KREMEN1: variants seen among roughly 807,000 people sequenced by gnomAD.
KREMEN1 encodes kremen protein 1.
KREMEN1 carries 30 observed loss-of-function variants against 46.5 expected under a neutral mutation model. That is an observed-to-expected ratio of 0.65 (90% confidence interval 0.48 to 0.88). KREMEN1 has a LOEUF of 0.88. Among genes scored for constraint, KREMEN1 ranks in the 40% least tolerant of loss-of-function variants. The pLI, the probability that KREMEN1 is intolerant of heterozygous loss-of-function variation, is 0.00. For synonymous variants in KREMEN1, 214 were observed against 230.6 expected (o/e 0.93, Z 0.65); for missense variants, 533 against 596.9 (o/e 0.89, Z 1.11).
chr22:29,144,880 G>A lies in KREMEN1; in HGVS notation c.*2768G>A, dbSNP rs926375600. 4.1e-6 allele frequency: 4 copies of A among 985,512 alleles called. No individual in the cohort carries two copies. Among genetic ancestry groups the A allele is most frequent in the East Asian group, 2.3e-4 (2 of 8,806 alleles). 61.0% of individuals were successfully genotyped at this position (985,512 alleles called of 1,614,324 possible). ...CCTGCAGCGGGGGCAGCACTTCCTC[G>A]GAGGGCCTGGGAGGTGCTGGGGATG... On this transcript the variant is annotated 3_prime_UTR_variant, in exon 9 of 9. Transcript: ENST00000400335.
At chr22:29,098,578 T>C (rs2037920313) in intron 2 of KREMEN1, among the ~76,000 whole-genome samples, 1 of 152,256 alleles carries the variant, frequency 6.6e-6, no homozygotes, top group Non-Finnish European at 1.5e-5. Context: ...TGGCATGATG[T>C]GTGCAGTGGC....
chr22:29,159,794 A>G (rs1265403601), intron 9 of KREMEN1, among the ~76,000 whole-genome samples: 1 of 152,200 alleles, frequency 6.6e-6, no homozygotes, highest in African/African-American at 2.4e-5. Flanking sequence ...AGGATGGCAG[A>G]TGGGTGGATG....
chr22:29,087,143 C>T (rs567840678), intron 1 of KREMEN1, among the ~76,000 whole-genome samples: 2 of 152,098 alleles, frequency 1.3e-5, no homozygotes, highest in South Asian at 2.1e-4. Context: ...TTTTAAAGAA[C>T]GAAGGATATT....
At position 29,076,980 on chromosome 22, in the gene KREMEN1, A is replaced by G. The variant is rs115254560; in HGVS notation, c.97+3753A>G. On this transcript the variant is annotated intron_variant, in intron 1 of 8. Transcript: ENST00000400335. ...AAAGTTGATGCACTTCTTGTATATC[A>G]ATACAGATATTATTGATAAACTCAT... Among the ~76,000 whole-genome samples the G allele has an allele frequency of 9.9e-3, 1,516 of 152,382 alleles. 22 individuals are homozygous for G. Among genetic ancestry groups the G allele is most frequent in the African/African-American group, 0.035 (1,444 of 41,598 alleles).
intron 3 of KREMEN1, among the ~76,000 whole-genome samples, chr22:29,117,819 T>C (rs539718429): frequency 6.6e-6 from 1 of 152,216 alleles, no homozygotes; most frequent in East Asian, 1.9e-4. Flanking sequence ...CCATGACCCA[T>C]GATGAATTAA....
At chr22:29,131,771 T>C (rs2038562234) in intron 5 of KREMEN1, among the ~76,000 whole-genome samples, 1 of 132,584 alleles carries the variant, frequency 7.5e-6, no homozygotes, top group South Asian at 2.1e-4. Context: ...TATATATGTA[T>C]ATATATATAT....
At chr22:29,086,203 T>C (rs1246686105) in intron 1 of KREMEN1, among the ~76,000 whole-genome samples, 1 of 152,060 alleles carries the variant, frequency 6.6e-6, no homozygotes. Flanking sequence ...ACATTTACAG[T>C]GAAGGGACGT....
rs2037511988 is a variant in KREMEN1 at position 29,073,596 on chromosome 22, G to A, written c.97+369G>A. On this transcript the variant is annotated intron_variant, in intron 1 of 8. Transcript: ENST00000400335. The surrounding 1 kb of genome is among the most constrained non-coding windows in gnomAD (Gnocchi z 4.4). ...GGACCCGCTGCCCGAGTCCCTCAGC[G>A]ACCCCAACCAGGCCGGGACGCCCCC... 6.6e-6 allele frequency among the ~76,000 whole-genome samples: 1 copy of A among 151,964 alleles called. No individual in the cohort carries two copies. The highest frequency in any genetic ancestry group is 2.1e-4 in the South Asian group (1 of 4,810).
At chr22:29,150,223 G>C (rs1019839770), downstream of KREMEN1, among the ~76,000 whole-genome samples, 136 of 14,906 alleles carry the variant, frequency 9.1e-3, no homozygotes, top group East Asian at 0.027. Context: ...GCAACTGGTG[G>C]GGGGGGGGGC....
intron 5 of KREMEN1, among the ~76,000 whole-genome samples, chr22:29,130,769 A>C (rs2038520346): frequency 6.6e-6 from 1 of 152,230 alleles, no homozygotes; most frequent in Non-Finnish European, 1.5e-5. Context: ...CACAGAAGGC[A>C]GGAGGACACC....
intron 5 of KREMEN1, among the ~76,000 whole-genome samples, chr22:29,128,115 C>T (rs778924966): frequency 4.6e-5 from 7 of 152,008 alleles, no homozygotes; most frequent in Admixed American, 2.0e-4. Context: ...TTAATAGGTA[C>T]GGATTTTCTT....
At chr22:29,094,686 C>T (rs1003764577) in intron 2 of KREMEN1, among the ~76,000 whole-genome samples, 3 of 149,172 alleles carry the variant, frequency 2.0e-5, no homozygotes, top group East Asian at 3.9e-4. Context: ...TGCAGTGGCG[C>T]GATCTCGGCT....
At chr22:29,101,241 G>C (rs1311070884) in intron 3 of KREMEN1, among the ~76,000 whole-genome samples, 15 of 99,678 alleles carry the variant, frequency 1.5e-4, no homozygotes, top group African/African-American at 6.3e-4. Flanking sequence ...AACACAACAA[G>C]AGTCTGTCTC....
chr22:29,085,942 GCC>G (rs1358002076), intron 1 of KREMEN1, among the ~76,000 whole-genome samples: 1 of 148,750 alleles, frequency 6.7e-6, no homozygotes, highest in East Asian at 2.0e-4. Flanking sequence ...CTGAACTCCA[GCC>G]TGTGTGACAG....
At chr22:29,154,310 A>T (rs1199878759) in intron 9 of KREMEN1, 1 of 152,216 alleles carries the variant, frequency 6.6e-6, no homozygotes, top group Admixed American at 6.5e-5. Flanking sequence ...CATTTAATAA[A>T]GGTATCTATT....
chr22:29,092,237 G>A (rs1235982514), intron 1 of KREMEN1, among the ~76,000 whole-genome samples: 1 of 152,196 alleles, frequency 6.6e-6, no homozygotes, highest in African/African-American at 2.4e-5. Context: ...TGACGAATCG[G>A]AAGTGGAGTG....
At chr22:29,160,539 C>CAAAAAAAAAAA (rs132303) in intron 9 of KREMEN1, among the ~76,000 whole-genome samples, 67 of 103,482 alleles carry the variant, frequency 6.5e-4, no homozygotes, top group African/African-American at 2.4e-3. Flanking sequence ...GACTCCGTCT[C>CAAAAAAAAAAA]AAAAAAAAAA....
chr22:29,159,124 G>GT (rs1162443966), intron 9 of KREMEN1, among the ~76,000 whole-genome samples: 2,272 of 35,212 alleles, frequency 0.065, 68 homozygotes, highest in Admixed American at 0.16. Flanking sequence ...CCAGCCAAGT[G>GT]TTTTTTTTTT....
chr22:29,126,151 T>C (rs2038438693), intron 5 of KREMEN1, among the ~76,000 whole-genome samples: 1 of 151,234 alleles, frequency 6.6e-6, no homozygotes, highest in Admixed American at 6.6e-5. Context: ...CCAAGAAATA[T>C]TGTAGTGTCT....
Sources: gnomAD v4.1 joint callset for allele counts (sites outside exome capture counted in the v4.1 genomes callset) on GRCh38, gnomAD v4.1.1 for gene constraint, Gnocchi (gnomAD v3.1) non-coding constraint, MANE v1.5 for transcripts, NCBI Gene and HGNC (gene_info 2026-07-23, HGNC 2026-07-21) for gene names.